Variants in IGDCC3 observed in about 807,000 individuals in gnomAD.
IGDCC3 encodes the protein putative neuronal cell adhesion molecule.
A neutral mutation model predicts 72.0 loss-of-function variants in IGDCC3; 47 were observed. That is an observed-to-expected ratio of 0.65 (90% confidence interval 0.52 to 0.83). The LOEUF is 0.83. Among genes scored for constraint, IGDCC3 ranks in the 40% least tolerant of loss-of-function variants. The pLI is 0.00. For synonymous variants in IGDCC3, 477 were observed against 472.8 expected (o/e 1.01, Z -0.11); for missense variants, 1,038 against 1,091.3 (o/e 0.95, Z 0.69).
At chr15:65,334,010 A>G (rs1442027536) in intron 5 of IGDCC3, among the ~76,000 whole-genome samples, 1 of 146,904 alleles carries the variant, frequency 6.8e-6, no homozygotes. Flanking sequence ...CCAGGATCAG[A>G]TTAGCACAGT....
In IGDCC3 at chr15:65,328,317, T is replaced by C. The variant is rs79338561; in HGVS notation, c.*592A>G. Reference sequence around the variant, plus strand: ...GTGCTTTTTTTTTTTTTTTTTTTTTTACTCTGGACAACAGTGTGGGAAGGG... The same window carrying C: ...GTGCTTTTTTTTTTTTTTTTTTTTTCACTCTGGACAACAGTGTGGGAAGGG... On this transcript the variant is annotated 3_prime_UTR_variant, in exon 14 of 14. Transcript: ENST00000327987. 1.6e-5 allele frequency: 2 copies of C among 128,998 alleles called. No homozygotes were observed. The highest frequency in any genetic ancestry group is 2.7e-5 in the African/African-American group (1 of 36,750). 8.0% of individuals were successfully genotyped at this position (128,998 alleles called of 1,614,324 possible). A position where few individuals can be genotyped will look rare whatever the true frequency, so the allele number is the denominator to read the frequency against.
In IGDCC3 at chr15:65,331,043, G is replaced by T; in HGVS notation, c.1561+7C>A. 6.2e-7 allele frequency: 1 copy of T among 1,613,028 alleles called. No homozygotes were observed. The highest frequency in any genetic ancestry group is 8.5e-7 in the Non-Finnish European group (1 of 1,179,478). On this transcript the variant is annotated splice_region_variant and intron_variant, in intron 9 of 13. Transcript: ENST00000327987. ...CTGTGGTTTTGTGCTCCACACCCAG[G>T]CCTCACCTTCACCCAGGGTGCTAGC...
chr15:65,371,097 G>A (rs1204738878), intron 2 of IGDCC3, among the ~76,000 whole-genome samples: 2 of 152,240 alleles, frequency 1.3e-5, no homozygotes, highest in South Asian at 2.1e-4. Flanking sequence ...CCCCAGGCTG[G>A]GAGTGAGGGC....
intron 2 of IGDCC3, among the ~76,000 whole-genome samples, chr15:65,361,951 C>G (rs1283520556): frequency 1.3e-5 from 2 of 152,170 alleles, no homozygotes; most frequent in African/African-American, 2.4e-5. Context: ...GATCTGCGAC[C>G]GCATCCTGAA....
At chr15:65,349,195 C>T (rs1287769594) in intron 2 of IGDCC3, among the ~76,000 whole-genome samples, 1 of 152,166 alleles carries the variant, frequency 6.6e-6, no homozygotes, top group Admixed American at 6.5e-5. Context: ...GGGTGCTAAG[C>T]AGAGTAGCTA....
chr15:65,335,174 T>C (rs1262909544), intron 4 of IGDCC3, 117 bp downstream of exon 4: 2 of 1,161,838 alleles, frequency 1.7e-6, no homozygotes, highest in Admixed American at 2.4e-5. Flanking sequence ...AGCCCGGCAC[T>C]CTGCACGCAC....
At chr15:65,341,957 T>C (rs2091085176) in intron 2 of IGDCC3, among the ~76,000 whole-genome samples, 1 of 152,156 alleles carries the variant, frequency 6.6e-6, no homozygotes, top group Non-Finnish European at 1.5e-5. Flanking sequence ...GTATTTTTAG[T>C]AGAGACGGAG....
chr15:65,361,833 C>T (rs2091263826), intron 2 of IGDCC3, among the ~76,000 whole-genome samples: 1 of 152,196 alleles, frequency 6.6e-6, no homozygotes, highest in African/African-American at 2.4e-5. Flanking sequence ...CCTCCTGCCT[C>T]GAGGACGAGG....
Position 65,335,400 on chromosome 15 carries a change from C to A in IGDCC3, c.576G>T (p.Gly192=). The A allele has an allele frequency of 6.2e-7, 1 of 1,612,688 alleles. No individual in the cohort carries two copies. Residue 192 remains glycine (G), a synonymous_variant, in exon 4 of 14, where the codon GGG becomes GGT. Coordinates refer to ENST00000327987, the MANE Select transcript of IGDCC3 (RefSeq NM_004884.4). ...DNERYTLLPK[G]VLQITGLRAE... ...CTCGAAGTCCTGTGATCTGCAGGAC[C>A]CCCTTGGGCAGCAATGTGTACCTGT...
chr15:65,348,543 C>T (rs1466528356), intron 2 of IGDCC3, among the ~76,000 whole-genome samples: 2 of 152,178 alleles, frequency 1.3e-5, no homozygotes, highest in Admixed American at 6.5e-5. Flanking sequence ...GACTGGAAGA[C>T]TTTGGGTAAG....
rs2091338448 is a variant in IGDCC3, at chr15:65,373,318, C to G, written c.409+1779G>C. 2.0e-5 allele frequency among the ~76,000 whole-genome samples: 3 copies of G among 152,316 alleles called. No homozygotes were observed. In the South Asian group the frequency reaches 6.2e-4, roughly 32 times the overall value. ...TCTGTCCACGCTTCCCTTCCTCACA[C>G]CCAGCCATCTGCTCAGAGGCTGCAC... On this transcript the variant is annotated intron_variant, in intron 2 of 13. Transcript: ENST00000327987.
chr15:65,347,119 C>T (rs942915625), intron 2 of IGDCC3, among the ~76,000 whole-genome samples: 2 of 152,200 alleles, frequency 1.3e-5, no homozygotes, highest in Middle Eastern at 3.2e-3. Context: ...GTCAGGACAC[C>T]GGATCTCCCT....
At chr15:65,349,936 C>T (rs976730428) in intron 2 of IGDCC3, among the ~76,000 whole-genome samples, 10 of 152,160 alleles carry the variant, frequency 6.6e-5, no homozygotes, top group African/African-American at 2.4e-4. Context: ...TTCAGTTCCC[C>T]ATCTAGGAAG....
intron 5 of IGDCC3, among the ~76,000 whole-genome samples, chr15:65,333,813 G>C (rs180905622): frequency 1.1e-4 from 16 of 151,642 alleles, no homozygotes; most frequent in East Asian, 7.7e-4. Flanking sequence ...GACCTGGTTG[G>C]GGGGGGAACC....
chr15:65,366,511 T>C (rs190212559), intron 2 of IGDCC3, among the ~76,000 whole-genome samples: 41 of 150,196 alleles, frequency 2.7e-4, no homozygotes, highest in African/African-American at 9.6e-4. Flanking sequence ...ATATATGAAA[T>C]GTGGCCTCAC....
chr15:65,377,452 G>A lies in IGDCC3; in HGVS notation c.103+234C>T, dbSNP rs972768897. Among the ~76,000 whole-genome samples, 3 of 152,118 alleles carry A rather than the reference G, an allele frequency of 2.0e-5. No homozygotes were observed. The highest frequency in any genetic ancestry group is 6.5e-5 in the Admixed American group (1 of 15,280). On this transcript the variant is annotated intron_variant, in intron 1 of 13. Coordinates refer to ENST00000327987, the MANE Select transcript of IGDCC3 (RefSeq NM_004884.4). This position sits in a 1 kb window ranked among gnomAD's most constrained non-coding sequence, Gnocchi z 4.9. Reference sequence around the variant, plus strand: ...TCCTTGCTCCTCAGTCTGGGCTCCGGGTCCTGCCCCAGTCTTCCTCCGGGG... The same window carrying A: ...TCCTTGCTCCTCAGTCTGGGCTCCGAGTCCTGCCCCAGTCTTCCTCCGGGG...
intron 2 of IGDCC3, among the ~76,000 whole-genome samples, chr15:65,349,041 T>C (rs2091150547): frequency 6.6e-6 from 1 of 152,198 alleles, no homozygotes; most frequent in Non-Finnish European, 1.5e-5. Context: ...TTCCCCACCC[T>C]GCCACAGGCG....
At chr15:65,334,562 G>T in intron 5 of IGDCC3, 166 bp downstream of exon 5, 2 of 669,454 alleles carry the variant, frequency 3.0e-6, no homozygotes, top group Non-Finnish European at 4.8e-6. Flanking sequence ...GGTCCTTCCA[G>T]GAGAGGGAAA....
At chr15:65,345,061 T>C (rs2091114508) in intron 2 of IGDCC3, among the ~76,000 whole-genome samples, 1 of 152,204 alleles carries the variant, frequency 6.6e-6, no homozygotes, top group Admixed American at 6.5e-5. Flanking sequence ...AGTCAGGACA[T>C]GTCCTGGTTT....
Sources: allele counts gnomAD v4.1 joint callset (sites outside exome capture counted in the v4.1 genomes callset), GRCh38; gene constraint gnomAD v4.1.1; non-coding constraint Gnocchi (gnomAD v3.1); transcripts MANE v1.5; gene names NCBI Gene and HGNC (gene_info 2026-07-23, HGNC 2026-07-21).